The following TNFAIP8 variants were observed in gnomAD, a reference collection of about 807,000 sequenced individuals.
TNFAIP8 encodes the protein tumor necrosis factor alpha-induced protein 8.
Under a neutral mutation model 13.3 loss-of-function variants are expected in TNFAIP8, and 7 were observed. The ratio of observed to expected loss-of-function variants is 0.52; its 90% confidence interval spans 0.30 to 0.99. The LOEUF is 0.99. Ranked by LOEUF, TNFAIP8 falls within the 50% of genes least tolerant of loss-of-function variation. The pLI is 0.07. For missense variants in TNFAIP8, 258 were observed against 236.9 expected (o/e 1.09, Z -0.58); for synonymous variants, 94 against 87.6 (o/e 1.07, Z -0.41).
At chr5:119,300,988 G>A (rs751634452) in intron 1 of TNFAIP8, among the ~76,000 whole-genome samples, 5 of 152,140 alleles carry the variant, frequency 3.3e-5, no homozygotes, top group Non-Finnish European at 7.3e-5. Context: ...CATTACAAGT[G>A]GGCCCCAAGC....
chr5:119,382,842 C>A (rs1280086788), intron 1 of TNFAIP8, among the ~76,000 whole-genome samples: 1 of 152,252 alleles, frequency 6.6e-6, no homozygotes, highest in Non-Finnish European at 1.5e-5. Context: ...CTATTTGCAT[C>A]TGATAATTGT....
chr5:119,314,464 C>T (rs532406271), intron 1 of TNFAIP8, among the ~76,000 whole-genome samples: 7 of 152,342 alleles, frequency 4.6e-5, no homozygotes, highest in African/African-American at 1.4e-4. Flanking sequence ...AAGACATACA[C>T]GGTGCCCTGT....
chr5:119,295,177 C>T (rs1378032308), intron 1 of TNFAIP8, among the ~76,000 whole-genome samples: 3 of 35,716 alleles, frequency 8.4e-5, no homozygotes, highest in Non-Finnish European at 1.6e-4. Context: ...GGTTTTAGGT[C>T]TAACGTTTAG....
chr5:119,350,744 G>A (rs1751093729), intron 1 of TNFAIP8, among the ~76,000 whole-genome samples: 1 of 152,144 alleles, frequency 6.6e-6, no homozygotes, highest in South Asian at 2.1e-4. Flanking sequence ...GAATTTATGG[G>A]AGAAGTCACT....
upstream of TNFAIP8, chr5:119,355,267 T>C (rs1469369458): frequency 1.3e-5 from 9 of 699,774 alleles, no homozygotes; most frequent in Non-Finnish European, 2.3e-5. Flanking sequence ...AACCGTGCTC[T>C]CCCCCTGAGG....
At chr5:119,294,254 T>A (rs1376010248) in intron 1 of TNFAIP8, among the ~76,000 whole-genome samples, 1 of 143,248 alleles carries the variant, frequency 7.0e-6, no homozygotes, top group East Asian at 2.3e-4. Context: ...TGTCCATGTG[T>A]TCTCATTGTT....
intron 1 of TNFAIP8, among the ~76,000 whole-genome samples, chr5:119,362,819 G>C (rs1407835642): frequency 6.6e-6 from 1 of 151,944 alleles, no homozygotes; most frequent in Non-Finnish European, 1.5e-5. Flanking sequence ...AAAGAAATAG[G>C]ATGGTTTTCA....
rs769581755 is a variant in TNFAIP8, at chr5:119,356,070, G to A, written c.-21G>A. On this transcript the variant is annotated 5_prime_UTR_variant, in exon 1 of 2. Transcript: ENST00000504771. ...GTACATGTGAGCGGTAATCGCCCCT[G>A]CAGCTGGTTATCCTGACATTATGCA... is the stretch of plus-strand genomic sequence containing the variant. 9 of 1,576,094 alleles carry A rather than the reference G, an allele frequency of 5.7e-6. No individual in the cohort carries two copies. In the South Asian group the frequency reaches 9.3e-5, roughly 16 times the overall value.
In TNFAIP8 at chr5:119,296,476, C is replaced by T. The variant is rs146455591; in HGVS notation, c.1+27569C>T. 8.5e-3 allele frequency among the ~76,000 whole-genome samples: 1,285 copies of T among 151,928 alleles called. 20 individuals are homozygous for T. The highest frequency in any genetic ancestry group is 0.049 in the South Asian group (236 of 4,784). ...CAGGCTTTCATCCCAGGGATGAAGC[C>T]CACTTGATCTTGGTGGATAAGCTTT... On this transcript the variant is annotated intron_variant, in intron 1 of 1. Transcript: ENST00000274456.
At chr5:119,332,863 C>G (rs1448364323) in intron 1 of TNFAIP8, among the ~76,000 whole-genome samples, 1 of 152,078 alleles carries the variant, frequency 6.6e-6, no homozygotes, top group African/African-American at 2.4e-5. Flanking sequence ...TTGTGTATGC[C>G]TGGATACACT....
Position 119,299,991 on chromosome 5 carries a change from G to A in TNFAIP8, c.1+31084G>A, listed in dbSNP as rs148672196. ...CGCAGTATTAGCGTGGGAGTGACCC[G>A]ATTTTCCAGGTGCCGTCTGTCACCC... On this transcript the variant is annotated intron_variant, in intron 1 of 1. Transcript: ENST00000274456. Among the ~76,000 whole-genome samples, 347 of 152,334 alleles carry A rather than the reference G, an allele frequency of 2.3e-3. 6 individuals carry two copies. Among genetic ancestry groups the A allele is most frequent in the African/African-American group, 7.4e-3 (307 of 41,582 alleles).
At position 119,395,839 on chromosome 5, in the gene TNFAIP8, T is replaced by C. The variant is rs145478418; in HGVS notation, c.*2458T>C. 703 of 152,252 alleles carry C rather than the reference T, an allele frequency of 4.6e-3. 2 individuals are homozygous for C. The highest frequency in any genetic ancestry group is 0.016 in the African/African-American group (644 of 41,542). The allele number at this position is 152,252 out of a possible 1,614,324, so 9.4% of individuals were successfully genotyped here. A position where few individuals can be genotyped will look rare whatever the true frequency, so the allele number is the denominator to read the frequency against. ...AAATCTGAGCCGAGTTAATACTAATTTGGGGATCCTATGAACCTTTTTATA... is the reference window on the plus strand; with the variant it reads ...AAATCTGAGCCGAGTTAATACTAATCTGGGGATCCTATGAACCTTTTTATA... On this transcript the variant is annotated 3_prime_UTR_variant, in exon 2 of 2. Transcript: ENST00000504771.
intron 1 of TNFAIP8, among the ~76,000 whole-genome samples, chr5:119,321,884 C>T (rs561730319): frequency 6.6e-6 from 1 of 152,288 alleles, no homozygotes; most frequent in East Asian, 1.9e-4. Context: ...GCTACAGGCT[C>T]CCCTTCATGT....
At chr5:119,327,261 C>T (rs1750251356) in intron 1 of TNFAIP8, among the ~76,000 whole-genome samples, 1 of 152,090 alleles carries the variant, frequency 6.6e-6, no homozygotes, top group Non-Finnish European at 1.5e-5. Flanking sequence ...TGTGTGTTGA[C>T]TGTGGAGTAC....
At chr5:119,317,788 G>C (rs1339301131) in intron 1 of TNFAIP8, among the ~76,000 whole-genome samples, 1 of 152,012 alleles carries the variant, frequency 6.6e-6, no homozygotes, top group East Asian at 1.9e-4. Flanking sequence ...GTAGAGACGG[G>C]GGTTTCACCA....
intron 1 of TNFAIP8, among the ~76,000 whole-genome samples, chr5:119,287,649 T>A (rs1162138695): frequency 2.6e-5 from 4 of 152,176 alleles, no homozygotes; most frequent in Non-Finnish European, 5.9e-5. Context: ...TGTCTGCTTC[T>A]AGGAAGTAAC....
At chr5:119,361,248 G>C (rs1751625225) in intron 1 of TNFAIP8, among the ~76,000 whole-genome samples, 1 of 152,200 alleles carries the variant, frequency 6.6e-6, no homozygotes, top group Non-Finnish European at 1.5e-5. Context: ...CCCAGCCGCT[G>C]ACCAAGATAT....
intron 1 of TNFAIP8, among the ~76,000 whole-genome samples, chr5:119,278,906 G>T (rs1402298707): frequency 2.0e-5 from 3 of 152,176 alleles, no homozygotes; most frequent in East Asian, 3.9e-4. Context: ...GTGATTTTTT[G>T]ATGTTAAAGG....
At chr5:119,289,991 C>T (rs1011636957) in intron 1 of TNFAIP8, among the ~76,000 whole-genome samples, 1 of 152,210 alleles carries the variant, frequency 6.6e-6, no homozygotes, top group Non-Finnish European at 1.5e-5. Flanking sequence ...TTTAAAAATT[C>T]TCTCATCATT....
Sources: allele counts gnomAD v4.1 joint callset (sites outside exome capture counted in the v4.1 genomes callset), GRCh38; gene constraint gnomAD v4.1.1; transcripts MANE v1.5; gene names NCBI Gene and HGNC (gene_info 2026-07-23, HGNC 2026-07-21).